The following RGS7 variants were observed in gnomAD, a reference collection of about 807,000 sequenced individuals.
RGS7 encodes regulator of G-protein signaling 7.
Under a neutral mutation model 81.1 loss-of-function variants are expected in RGS7, and 27 were observed. The ratio of observed to expected loss-of-function variants is 0.33; its 90% confidence interval spans 0.25 to 0.46. The LOEUF (loss-of-function observed/expected upper bound fraction) is 0.46. RGS7 is among the 20% of genes least tolerant of loss of function. The pLI is 1.00. For missense variants in RGS7, 396 were observed against 607.4 expected, an observed-to-expected ratio of 0.65 and a Z score of 3.66; for synonymous variants, 208 against 207.7, an observed-to-expected ratio of 1.00 and a Z score of -0.01.
chr1:240,890,849 T>A (rs1668175636), intron 6 of RGS7, among the ~76,000 whole-genome samples: 1 of 152,186 alleles, frequency 6.6e-6, no homozygotes, highest in African/African-American at 2.4e-5. Context: ...TGGAGAAATA[T>A]TTAGTACAAT....
intron 2 of RGS7, among the ~76,000 whole-genome samples, chr1:241,183,751 G>A (rs543479298): frequency 1.3e-5 from 2 of 152,308 alleles, no homozygotes; most frequent in Admixed American, 1.3e-4. Context: ...GCTCTATGTA[G>A]TAAAACAGTG....
chr1:240,976,737 A>G (rs961547991), intron 4 of RGS7, among the ~76,000 whole-genome samples: 1 of 145,296 alleles, frequency 6.9e-6, no homozygotes, highest in Non-Finnish European at 1.5e-5. Context: ...CTATCTATCT[A>G]TCTATCTATC....
At chr1:241,094,896 T>C (rs536922546) in intron 3 of RGS7, among the ~76,000 whole-genome samples, 2 of 152,102 alleles carry the variant, frequency 1.3e-5, no homozygotes, top group East Asian at 1.9e-4. Context: ...TCTGGTGGAG[T>C]TGGGTAGTGT....
At chr1:241,192,149 A>G (rs1390499759) in intron 2 of RGS7, among the ~76,000 whole-genome samples, 1 of 137,572 alleles carries the variant, frequency 7.3e-6, no homozygotes, top group Non-Finnish European at 1.6e-5. Context: ...TCATTTGGCT[A>G]GAGAAAACAG....
chr1:240,972,517 A>G, intron 4 of RGS7, among the ~76,000 whole-genome samples: 1 of 106,884 alleles, frequency 9.4e-6, no homozygotes, highest in African/African-American at 3.7e-5. Flanking sequence ...GGACACAGGA[A>G]GGGGAATATC....
At chr1:240,842,770 CCTTT>C (rs1240756911) in intron 9 of RGS7, among the ~76,000 whole-genome samples, 1 of 151,486 alleles carries the variant, frequency 6.6e-6, no homozygotes, top group East Asian at 1.9e-4. Context: ...TTCCTTCCTT[CCTTT>C]TTCTTTCTTT....
intron 18 of RGS7, among the ~76,000 whole-genome samples, chr1:240,789,586 C>CTATCTTT (rs1164703115): frequency 6.6e-6 from 1 of 152,198 alleles, no homozygotes; most frequent in Non-Finnish European, 1.5e-5. Context: ...TTGGGGATGG[C>CTATCTTT]TATCTTTTAC....
intron 4 of RGS7, among the ~76,000 whole-genome samples, chr1:240,955,729 A>G (rs533906623): frequency 7.2e-5 from 11 of 152,336 alleles, no homozygotes; most frequent in African/African-American, 2.6e-4. Context: ...AATTGATTTT[A>G]GACAAAGGAG....
chr1:241,125,604 GA>G (rs1273864233), intron 2 of RGS7, among the ~76,000 whole-genome samples: 1 of 151,976 alleles, frequency 6.6e-6, no homozygotes, highest in African/African-American at 2.4e-5. Context: ...TCTCTAGTTA[GA>G]AAAAAATTAT....
At chr1:240,855,679 T>A (rs1437150568) in intron 9 of RGS7, among the ~76,000 whole-genome samples, 1 of 152,200 alleles carries the variant, frequency 6.6e-6, no homozygotes, top group East Asian at 1.9e-4. Flanking sequence ...ATTTCAAATG[T>A]TAGCTACCCT....
intron 2 of RGS7, among the ~76,000 whole-genome samples, chr1:241,125,037 T>C (rs987606545): frequency 2.6e-5 from 4 of 152,184 alleles, no homozygotes; most frequent in African/African-American, 9.7e-5. Context: ...GGTCATGCCC[T>C]TTTACTTCAT....
In RGS7 at chr1:240,938,798, A is replaced by AT. The variant is rs1048745830; in HGVS notation, c.227-2093dup. Among the ~76,000 whole-genome samples the AT allele has an allele frequency of 6.3e-4, 93 of 148,226 alleles. 2 individuals are homozygous for AT. The highest frequency in any genetic ancestry group is 2.8e-3 in the East Asian group (14 of 5,020). ...AATGTTGTTTTTTGTACAGAGGAGC[A>AT]TTTTTTTTTCATCAATTTTGTGCGT... On this transcript the variant is annotated intron_variant, in intron 4 of 18. Coordinates refer to ENST00000440928, the MANE Select transcript of RGS7 (RefSeq NM_001364886.1).
intron 9 of RGS7, among the ~76,000 whole-genome samples, chr1:240,863,443 C>T (rs528776143): frequency 2.0e-5 from 3 of 152,170 alleles, no homozygotes; most frequent in South Asian, 2.1e-4. Flanking sequence ...CCACTGCACT[C>T]CAGCCTGGGC....
At chr1:241,227,734 C>CAA (rs2075398130) in intron 2 of RGS7, among the ~76,000 whole-genome samples, 1 of 150,718 alleles carries the variant, frequency 6.6e-6, no homozygotes, top group South Asian at 2.1e-4. Flanking sequence ...GGTAACACAG[C>CAA]AAGACCTTGT....
rs375436333 is a variant in RGS7, at chr1:240,868,115, AAG to A, written c.609+470_609+471del. Among the ~76,000 whole-genome samples the A allele has an allele frequency of 1.3e-4, 9 of 67,790 alleles. No homozygotes were observed. The highest frequency in any genetic ancestry group is 1.8e-4 in the African/African-American group (3 of 16,780). The allele number at this position is 67,790 out of a possible 152,430, so 44.5% of individuals were successfully genotyped here. ...AAGAAAAGAAAAAGAAAGAAAAGAAAAGGAAAGAAAGAAAGAAAGAAAGAAAG... is the reference window on the plus strand; with the variant it reads ...AAGAAAAGAAAAAGAAAGAAAAGAAAGAAAGAAAGAAAGAAAGAAAGAAAG... On this transcript the variant is annotated intron_variant, in intron 9 of 18. Transcript: ENST00000440928. This position sits in a 1 kb window ranked among gnomAD's most constrained non-coding sequence, Gnocchi z 5.1.
chr1:240,896,249 T>C (rs920150183), intron 6 of RGS7, among the ~76,000 whole-genome samples: 4 of 152,230 alleles, frequency 2.6e-5, no homozygotes, highest in Non-Finnish European at 5.9e-5. Flanking sequence ...TTCACTCTGA[T>C]GGTAGTTTCT....
intron 2 of RGS7, among the ~76,000 whole-genome samples, chr1:241,161,151 G>A (rs2069625576): frequency 6.6e-6 from 1 of 152,144 alleles, no homozygotes; most frequent in Non-Finnish European, 1.5e-5. Flanking sequence ...GGTTGTGTCT[G>A]CATATGCAGT....
intron 14 of RGS7, among the ~76,000 whole-genome samples, chr1:240,809,591 G>A (rs568556425): frequency 2.0e-5 from 3 of 152,070 alleles, no homozygotes; most frequent in Non-Finnish European, 2.9e-5. Flanking sequence ...ACACTTTCTC[G>A]GCTTAACCTT....
chr1:241,173,880 A>C (rs955979350), intron 2 of RGS7, among the ~76,000 whole-genome samples: 2 of 152,186 alleles, frequency 1.3e-5, no homozygotes, highest in Admixed American at 6.5e-5. Flanking sequence ...AGAGATTTAT[A>C]GTAAATCTTC....
Sources: gnomAD v4.1 joint callset for allele counts (sites outside exome capture counted in the v4.1 genomes callset) on GRCh38, gnomAD v4.1.1 for gene constraint, Gnocchi (gnomAD v3.1) non-coding constraint, MANE v1.5 for transcripts, NCBI Gene and HGNC (gene_info 2026-07-23, HGNC 2026-07-21) for gene names.